The following TMEM132D variants were observed in gnomAD, a reference collection of about 807,000 sequenced individuals.
TMEM132D encodes mature OL transmembrane protein.
Under a neutral mutation model 62.3 loss-of-function variants are expected in TMEM132D, and 21 were observed. That is an observed-to-expected ratio of 0.34 (90% confidence interval 0.24 to 0.49). The LOEUF (loss-of-function observed/expected upper bound fraction) is 0.49, where lower values mean the gene tolerates loss of function less well. Ranked by LOEUF, TMEM132D falls within the 20% of genes least tolerant of loss-of-function variation. TMEM132D has a pLI of 0.99. For synonymous variants in TMEM132D, 621 were observed against 575.6 expected (o/e 1.08, Z -1.13); for missense variants, 1,346 against 1,402.8 (o/e 0.96, Z 0.65).
At chr12:129,413,901 G>A (rs1300209317) in intron 3 of TMEM132D, among the ~76,000 whole-genome samples, 5 of 152,138 alleles carry the variant, frequency 3.3e-5, no homozygotes, top group Admixed American at 6.5e-5. Flanking sequence ...GGGCATGAAC[G>A]AACAATACCT....
chr12:129,654,894 C>T (rs1193223907), intron 2 of TMEM132D, among the ~76,000 whole-genome samples: 1 of 152,140 alleles, frequency 6.6e-6, no homozygotes, highest in African/African-American at 2.4e-5. Context: ...ACATTTTCAT[C>T]CAAAAACATT....
intron 5 of TMEM132D, among the ~76,000 whole-genome samples, chr12:129,160,004 T>C (rs1183192921): frequency 6.6e-6 from 1 of 152,000 alleles, no homozygotes; most frequent in African/African-American, 2.4e-5. Flanking sequence ...ATAGTAAAAC[T>C]AGAAGAGCAT....
intron 4 of TMEM132D, among the ~76,000 whole-genome samples, chr12:129,248,413 C>CT (rs756112214): frequency 2.6e-5 from 4 of 152,130 alleles, no homozygotes; most frequent in Non-Finnish European, 5.9e-5. Flanking sequence ...AATGGATTAA[C>CT]TTTCAAATCC....
At chr12:129,789,777 T>C (rs59940821) in intron 1 of TMEM132D, among the ~76,000 whole-genome samples, 1 of 152,308 alleles carries the variant, frequency 6.6e-6, no homozygotes, top group African/African-American at 2.4e-5. Context: ...GTTGCCTACA[T>C]TTTCACCCTT....
At chr12:129,352,205 G>T (rs1175699116) in intron 3 of TMEM132D, among the ~76,000 whole-genome samples, 1 of 152,134 alleles carries the variant, frequency 6.6e-6, no homozygotes, top group Non-Finnish European at 1.5e-5. Context: ...GAGTTGGAGT[G>T]TCCTGATATC....
At chr12:129,189,420 C>A (rs531954812) in intron 5 of TMEM132D, among the ~76,000 whole-genome samples, 11 of 152,240 alleles carry the variant, frequency 7.2e-5, no homozygotes, top group Admixed American at 2.6e-4. Context: ...GCCTCAGAAT[C>A]AGGGCCAAGA....
At chr12:129,147,996 C>T (rs1453016940) in intron 5 of TMEM132D, among the ~76,000 whole-genome samples, 2 of 152,212 alleles carry the variant, frequency 1.3e-5, no homozygotes, top group East Asian at 1.9e-4. Context: ...AGCCCATGCG[C>T]TTAAACAGGA....
At chr12:129,769,861 G>C (rs1273699392) in intron 1 of TMEM132D, among the ~76,000 whole-genome samples, 2 of 152,314 alleles carry the variant, frequency 1.3e-5, no homozygotes, top group East Asian at 1.9e-4. Flanking sequence ...CTGCTTATGA[G>C]TTAGGATTGT....
At chr12:129,258,472 T>C (rs556565766) in intron 4 of TMEM132D, among the ~76,000 whole-genome samples, 1 of 152,318 alleles carries the variant, frequency 6.6e-6, no homozygotes, top group African/African-American at 2.4e-5. Context: ...ACTCATAATA[T>C]ACATTGGCTT....
At chr12:129,740,140 C>T (rs1406835596) in intron 1 of TMEM132D, among the ~76,000 whole-genome samples, 1 of 152,148 alleles carries the variant, frequency 6.6e-6, no homozygotes, top group African/African-American at 2.4e-5. Context: ...TCCTGCTACC[C>T]TGGGGTCAGG....
intron 3 of TMEM132D, among the ~76,000 whole-genome samples, chr12:129,457,154 G>A (rs1374540936): frequency 3.3e-5 from 5 of 151,696 alleles, no homozygotes; most frequent in African/African-American, 7.3e-5. Flanking sequence ...TGTTTATTGC[G>A]GCACTATTCA....
intron 2 of TMEM132D, among the ~76,000 whole-genome samples, chr12:129,535,504 C>G (rs138097994): frequency 6.6e-5 from 10 of 152,308 alleles, no homozygotes; most frequent in African/African-American, 2.4e-4. Context: ...AGTTCATTAT[C>G]CAAAGCACTG....
intron 1 of TMEM132D, among the ~76,000 whole-genome samples, chr12:129,748,598 T>C (rs996369265): frequency 5.3e-5 from 8 of 152,106 alleles, no homozygotes; most frequent in African/African-American, 1.7e-4. Context: ...AGGTTCAATA[T>C]ATAGCTGGAA....
At chr12:129,317,511 G>T (rs1482300136) in intron 4 of TMEM132D, among the ~76,000 whole-genome samples, 2 of 152,188 alleles carry the variant, frequency 1.3e-5, no homozygotes, top group Non-Finnish European at 2.9e-5. Flanking sequence ...TGAGAAATCT[G>T]CTGTTAATCC....
chr12:129,501,511 T>G (rs1410532432), intron 3 of TMEM132D, among the ~76,000 whole-genome samples: 1 of 152,158 alleles, frequency 6.6e-6, no homozygotes, highest in African/African-American at 2.4e-5. Context: ...TTTTAATTTT[T>G]TTTATTTTTT....
chr12:129,152,882 G>A (rs1307477592), intron 5 of TMEM132D, among the ~76,000 whole-genome samples: 1 of 152,186 alleles, frequency 6.6e-6, no homozygotes, highest in Non-Finnish European at 1.5e-5. Flanking sequence ...TGAGAGAGGG[G>A]AGATGCCAGG....
chr12:129,496,441 CCT>C (rs1394613476), intron 3 of TMEM132D, among the ~76,000 whole-genome samples: 1 of 152,004 alleles, frequency 6.6e-6, no homozygotes, highest in Admixed American at 6.6e-5. Context: ...GCTGCGACCC[CCT>C]GATGTCTAAA....
At chr12:129,102,985 A>G (rs559949845) in intron 5 of TMEM132D, among the ~76,000 whole-genome samples, 1 of 152,338 alleles carries the variant, frequency 6.6e-6, no homozygotes, top group South Asian at 2.1e-4. Flanking sequence ...TTTTGTAGAA[A>G]TGAGACACAG....
chr12:129,426,501 G>C (rs1872501493), intron 3 of TMEM132D, among the ~76,000 whole-genome samples: 1 of 152,160 alleles, frequency 6.6e-6, no homozygotes, highest in Non-Finnish European at 1.5e-5. Flanking sequence ...CCACACTGAT[G>C]TCTCAGTCAG....
Sources: allele counts gnomAD v4.1 joint callset (sites outside exome capture counted in the v4.1 genomes callset), GRCh38; gene constraint gnomAD v4.1.1; transcripts MANE v1.5; gene names NCBI Gene and HGNC (gene_info 2026-07-23, HGNC 2026-07-21).